The following ADAMTSL1 variants were observed in gnomAD, a reference collection of about 807,000 sequenced individuals.
The protein encoded by ADAMTSL1 is ADAMTS like 1.
ADAMTSL1 carries 126 observed loss-of-function variants against 201.8 expected under a neutral mutation model. The ratio of observed to expected loss-of-function variants is 0.62; its 90% confidence interval spans 0.54 to 0.72. The LOEUF is 0.72. ADAMTSL1 is among the 30% of genes least tolerant of loss of function. The pLI, the probability that ADAMTSL1 is intolerant of heterozygous loss-of-function variation, is 0.00. For missense variants in ADAMTSL1, 2,679 were observed against 2,277.8 expected, an observed-to-expected ratio of 1.18 and a Z score of -3.59; for synonymous variants, 1,121 against 903.4, an observed-to-expected ratio of 1.24 and a Z score of -4.32.
intron 2 of ADAMTSL1, among the ~76,000 whole-genome samples, chr9:18,178,032 C>A (rs1828256974): frequency 2.0e-5 from 3 of 152,156 alleles, no homozygotes; most frequent in Admixed American, 2.0e-4. Context: ...GCCCAGATGG[C>A]CGAATAGGAA....
Position 17,912,866 on chromosome 9 carries a change from G to C in ADAMTSL1, c.87+5944G>C, listed in dbSNP as rs577411457. Among the ~76,000 whole-genome samples, 28 of 151,428 alleles carry C rather than the reference G, an allele frequency of 1.8e-4. 1 individual carries two copies. Among genetic ancestry groups the C allele is most frequent in the African/African-American group, 6.8e-4 (28 of 41,410 alleles). ...TCATCTTGAATTGATTTTCGTATAA[G>C]GTGTAAGGAAGGGATCCAGTTTCAG... On this transcript the variant is annotated intron_variant, in intron 1 of 29. Transcript: ENST00000680146.
intron 1 of ADAMTSL1, among the ~76,000 whole-genome samples, chr9:17,936,879 T>G (rs1827030957): frequency 6.6e-6 from 1 of 152,130 alleles, no homozygotes; most frequent in African/African-American, 2.4e-5. Flanking sequence ...TTATAATTAT[T>G]TTTTGATATT....
intron 1 of ADAMTSL1, among the ~76,000 whole-genome samples, chr9:18,101,733 G>C (rs1412272841): frequency 6.6e-6 from 1 of 152,176 alleles, no homozygotes; most frequent in South Asian, 2.1e-4. Flanking sequence ...AGGTAGGATT[G>C]AATAAATGTA....
chr9:18,573,182 T>A (rs1269149040), intron 3 of ADAMTSL1: 1 of 152,856 alleles, frequency 6.5e-6, no homozygotes, highest in Admixed American at 6.5e-5. Context: ...TCATACTCCA[T>A]CCCTTTGCCT....
intron 2 of ADAMTSL1, among the ~76,000 whole-genome samples, chr9:18,465,069 C>T (rs1264388491): frequency 1.3e-5 from 2 of 152,148 alleles, no homozygotes; most frequent in Non-Finnish European, 1.5e-5. Context: ...GCTACATAAG[C>T]AAAATTATCC....
chr9:18,631,151 G>T (rs904684301), intron 5 of ADAMTSL1, among the ~76,000 whole-genome samples: 15 of 152,086 alleles, frequency 9.9e-5, no homozygotes, highest in Non-Finnish European at 2.2e-4. Context: ...AATGAAATAG[G>T]GTATTTTGAC....
intron 2 of ADAMTSL1, among the ~76,000 whole-genome samples, chr9:18,526,266 C>T (rs1388718452): frequency 6.6e-6 from 1 of 152,060 alleles, no homozygotes; most frequent in Non-Finnish European, 1.5e-5. Flanking sequence ...GATTGCAACC[C>T]CTGCCTTTGT....
At chr9:18,156,802 C>A (rs542860459) in intron 1 of ADAMTSL1, among the ~76,000 whole-genome samples, 31 of 152,106 alleles carry the variant, frequency 2.0e-4, no homozygotes, top group African/African-American at 7.5e-4. Flanking sequence ...AGGTATGAAT[C>A]ATAGCTGTTA....
At chr9:18,892,344 G>A (rs1829331325) in intron 25 of ADAMTSL1, 45 bp from the exon 26 acceptor site, 5 of 1,573,576 alleles carry the variant, frequency 3.2e-6, no homozygotes, top group Non-Finnish European at 2.6e-6. Context: ...TTTTCCCCAG[G>A]GCCTGTCCCT....
chr9:17,968,509 T>G (rs947947409), intron 1 of ADAMTSL1, among the ~76,000 whole-genome samples: 2 of 152,156 alleles, frequency 1.3e-5, no homozygotes, highest in Non-Finnish European at 1.5e-5. Context: ...TCCTTCAGAT[T>G]GATGAGTGTG....
intron 2 of ADAMTSL1, among the ~76,000 whole-genome samples, chr9:18,410,818 C>T (rs73417016): frequency 0.083 from 12,372 of 149,890 alleles, 860 homozygotes; most frequent in African/African-American, 0.19. Context: ...TGTATTTAAT[C>T]GACTGGTAGA....
intron 3 of ADAMTSL1, among the ~76,000 whole-genome samples, chr9:18,563,517 T>C (rs1821674608): frequency 1.3e-5 from 2 of 152,220 alleles, no homozygotes; most frequent in African/African-American, 4.8e-5. Flanking sequence ...AGGCAGCCTG[T>C]CCCTTAGTAG....
At chr9:18,672,317 C>T (rs1282977123) in intron 9 of ADAMTSL1, among the ~76,000 whole-genome samples, 1 of 151,948 alleles carries the variant, frequency 6.6e-6, no homozygotes, top group Non-Finnish European at 1.5e-5. Flanking sequence ...TTCATAGTTC[C>T]AAAGTTTCTG....
intron 2 of ADAMTSL1, among the ~76,000 whole-genome samples, chr9:18,276,427 C>A (rs558788341): frequency 6.6e-6 from 1 of 152,232 alleles, no homozygotes; most frequent in South Asian, 2.1e-4. Flanking sequence ...CTCAAGTTCT[C>A]TAAGATTTTC....
In ADAMTSL1 at chr9:18,504,888, A is replaced by G. The variant is rs751071846; in HGVS notation, c.123A>G (p.Pro41=). ...ACGGCCTATGGGATGCCTGGGGCCCATGGAGTGAATGCTCACGCACCTGCG... is the reference window on the plus strand; with the variant it reads ...ACGGCCTATGGGATGCCTGGGGCCCGTGGAGTGAATGCTCACGCACCTGCG... ...DRDGLWDAWG[P]WSECSRTCGG... Residue 41 remains proline (P), a synonymous_variant, in exon 2 of 29, where the codon CCA becomes CCG. Transcript: ENST00000380548. The G allele has an allele frequency of 1.1e-5, 18 of 1,613,394 alleles. No homozygotes were observed. The highest frequency in any genetic ancestry group is 1.7e-4 in the Middle Eastern group (1 of 6,058).
intron 20 of ADAMTSL1, among the ~76,000 whole-genome samples, chr9:18,801,812 A>G (rs925345298): frequency 6.6e-6 from 1 of 152,188 alleles, no homozygotes; most frequent in African/African-American, 2.4e-5. Flanking sequence ...TATTGTGAAG[A>G]GTGCTGCAGT....
At chr9:18,406,910 G>C (rs925367286) in intron 2 of ADAMTSL1, among the ~76,000 whole-genome samples, 2 of 152,132 alleles carry the variant, frequency 1.3e-5, no homozygotes, top group Non-Finnish European at 2.9e-5. Flanking sequence ...AATAATATCT[G>C]CTTCTCAAGG....
At chr9:18,170,877 G>T (rs574266848) in intron 2 of ADAMTSL1, among the ~76,000 whole-genome samples, 4 of 152,158 alleles carry the variant, frequency 2.6e-5, no homozygotes, top group Admixed American at 1.3e-4. Context: ...TCAGGTTTCT[G>T]TGTTAGTGTT....
chr9:18,804,546 T>C (rs1229309723), intron 20 of ADAMTSL1, among the ~76,000 whole-genome samples: 2 of 152,180 alleles, frequency 1.3e-5, no homozygotes, highest in African/African-American at 4.8e-5. Flanking sequence ...CTTATGGGAA[T>C]TGTCAGGTAG....
Sources: gnomAD v4.1 joint callset for allele counts (sites outside exome capture counted in the v4.1 genomes callset) on GRCh38, gnomAD v4.1.1 for gene constraint, MANE v1.5 for transcripts, NCBI Gene and HGNC (gene_info 2026-07-23, HGNC 2026-07-21) for gene names.